Variants in DNAJC3 observed in about 807,000 individuals in gnomAD.
The protein encoded by DNAJC3 is DnaJ heat shock protein family (Hsp40) member C3, also known as dnaJ homolog subfamily C member 3.
Under a neutral mutation model 68.6 loss-of-function variants are expected in DNAJC3, and 38 were observed. The observed-to-expected ratio is 0.55, with a 90% confidence interval of 0.43 to 0.73. The LOEUF is 0.73. Among genes scored for constraint, DNAJC3 ranks in the 30% least tolerant of loss-of-function variants. The pLI, the probability that DNAJC3 is intolerant of heterozygous loss-of-function variation, is 0.00. For synonymous variants in DNAJC3, 203 were observed against 204.0 expected, an observed-to-expected ratio of 1.00 and a Z score of 0.04; for missense variants, 526 against 591.9, an observed-to-expected ratio of 0.89 and a Z score of 1.16.
chr13:95,761,100 G>A (rs1882807222), intron 7 of DNAJC3, among the ~76,000 whole-genome samples: 1 of 152,166 alleles, frequency 6.6e-6, no homozygotes, highest in Non-Finnish European at 1.5e-5. Flanking sequence ...AATAGTTTTT[G>A]TTCTTAAGAA....
intron 2 of DNAJC3, among the ~76,000 whole-genome samples, chr13:95,711,562 A>G (rs1348088725): frequency 2.0e-5 from 3 of 152,142 alleles, no homozygotes; most frequent in Admixed American, 6.5e-5. Context: ...AAGAACATAC[A>G]AAAGTTGAAA....
intron 7 of DNAJC3, among the ~76,000 whole-genome samples, chr13:95,762,568 T>C (rs1056806168): frequency 1.3e-5 from 2 of 152,218 alleles, no homozygotes; most frequent in Non-Finnish European, 2.9e-5. Flanking sequence ...CTGGAGCACT[T>C]GGGACAAATA....
At chr13:95,733,553 C>T (rs140891134) in intron 4 of DNAJC3, among the ~76,000 whole-genome samples, 2 of 151,958 alleles carry the variant, frequency 1.3e-5, no homozygotes, top group South Asian at 4.2e-4. Context: ...CACCACATCA[C>T]CACATCCAGC....
At chr13:95,688,537 A>C (rs1880129505) in intron 1 of DNAJC3, among the ~76,000 whole-genome samples, 1 of 148,166 alleles carries the variant, frequency 6.7e-6, no homozygotes, top group South Asian at 2.1e-4. Flanking sequence ...TTTTTTTGAG[A>C]CAGAGTGTTA....
intron 2 of DNAJC3, 71 bp from the exon 3 acceptor site, chr13:95,723,171 G>A: frequency 7.1e-7 from 1 of 1,416,514 alleles, no homozygotes; most frequent in Admixed American, 2.1e-5. Flanking sequence ...ATACTGTCCA[G>A]GTGATTTGTT....
rs1881659295 is a variant in DNAJC3 at position 95,729,907 on chromosome 13, C to G, written c.393+4655C>G. ...CCTTGTATATTCTGTATATTAGTTG[C>G]TTGTTGGATGAATAGTTTGCATATA... On this transcript the variant is annotated intron_variant, in intron 4 of 11. Transcript: ENST00000602402. 1.3e-5 allele frequency among the ~76,000 whole-genome samples: 2 copies of G among 152,000 alleles called. 1 individual carries two copies. Among genetic ancestry groups the G allele is most frequent in the South Asian group, 4.2e-4 (2 of 4,818 alleles).
chr13:95,778,426 G>A (rs17878753), intron 9 of DNAJC3, among the ~76,000 whole-genome samples: 25,239 of 152,060 alleles, frequency 0.17, 3,012 homozygotes, highest in African/African-American at 0.34. Context: ...GCCAATAGGC[G>A]AAAGCAATTT....
At chr13:95,741,593 G>A (rs1882146474) in intron 4 of DNAJC3, among the ~76,000 whole-genome samples, 3 of 152,190 alleles carry the variant, frequency 2.0e-5, no homozygotes, top group Non-Finnish European at 4.4e-5. Flanking sequence ...GATTGGACAG[G>A]TGGGTGGGTC....
chr13:95,684,580 T>C (rs1309625588), intron 1 of DNAJC3, among the ~76,000 whole-genome samples: 3 of 152,130 alleles, frequency 2.0e-5, no homozygotes, highest in Non-Finnish European at 4.4e-5. Context: ...ACTGCATGAA[T>C]TTGCATAAGT....
At chr13:95,687,303 A>G (rs1880097806) in intron 1 of DNAJC3, among the ~76,000 whole-genome samples, 1 of 152,094 alleles carries the variant, frequency 6.6e-6, no homozygotes, top group Non-Finnish European at 1.5e-5. Context: ...AGGTAAAAAA[A>G]TCATATTTGT....
chr13:95,719,058 C>A (rs1881238698), intron 2 of DNAJC3, among the ~76,000 whole-genome samples: 1 of 152,206 alleles, frequency 6.6e-6, no homozygotes, highest in South Asian at 2.1e-4. Context: ...ATTCCCATGA[C>A]CCCTTCCTTG....
chr13:95,724,964 T>C (rs905581374), intron 3 of DNAJC3, among the ~76,000 whole-genome samples: 1 of 152,188 alleles, frequency 6.6e-6, no homozygotes, highest in Non-Finnish European at 1.5e-5. Context: ...TCAGTTTTCT[T>C]GGGTAGAACA....
At chr13:95,764,650 A>ATATATG (rs1882924400) in intron 9 of DNAJC3, among the ~76,000 whole-genome samples, 2 of 56,442 alleles carry the variant, frequency 3.5e-5, no homozygotes, top group Non-Finnish European at 6.5e-5. Context: ...GAATCCATAT[A>ATATATG]TATATATATA....
At chr13:95,701,866 A>G (rs1593961866) in intron 1 of DNAJC3, among the ~76,000 whole-genome samples, 1 of 152,196 alleles carries the variant, frequency 6.6e-6, no homozygotes, top group Admixed American at 6.5e-5. Flanking sequence ...TTATAACACT[A>G]TAGTGTATGT....
chr13:95,715,768 T>C (rs1038189019), intron 2 of DNAJC3, among the ~76,000 whole-genome samples: 1 of 151,892 alleles, frequency 6.6e-6, no homozygotes, highest in African/African-American at 2.4e-5. Context: ...ATTACAGGCA[T>C]GAGCCACTGC....
intron 1 of DNAJC3, among the ~76,000 whole-genome samples, chr13:95,691,391 C>T (rs1880255341): frequency 6.6e-6 from 1 of 151,200 alleles, no homozygotes; most frequent in South Asian, 2.1e-4. Context: ...GGCGGCCGGG[C>T]AGAGACGCTC....
intron 4 of DNAJC3, among the ~76,000 whole-genome samples, chr13:95,726,578 A>C (rs1196761219): frequency 1.3e-5 from 2 of 152,162 alleles, no homozygotes; most frequent in Admixed American, 6.5e-5. Context: ...TGGCTGCTTT[A>C]CAAAGTGTAA....
chr13:95,777,057 T>G (rs1883312824), intron 9 of DNAJC3, among the ~76,000 whole-genome samples: 1 of 152,216 alleles, frequency 6.6e-6, no homozygotes, highest in African/African-American at 2.4e-5. Flanking sequence ...ACTTGGTGAG[T>G]TCATCTTATA....
chr13:95,751,765 A>G (rs1314565408), intron 4 of DNAJC3, among the ~76,000 whole-genome samples: 1 of 152,214 alleles, frequency 6.6e-6, no homozygotes, highest in Non-Finnish European at 1.5e-5. Context: ...TGGGTAATTT[A>G]TAAAGGAAAG....
Sources: allele counts gnomAD v4.1 joint callset (sites outside exome capture counted in the v4.1 genomes callset), GRCh38; gene constraint gnomAD v4.1.1; transcripts MANE v1.5; gene names NCBI Gene and HGNC (gene_info 2026-07-23, HGNC 2026-07-21).